CACNA2D3: variants seen among roughly 807,000 people sequenced by gnomAD.
The protein encoded by CACNA2D3 is calcium voltage-gated channel auxiliary subunit alpha2delta 3, also known as voltage-dependent calcium channel subunit alpha-2/delta-3.
CACNA2D3 carries 60 observed loss-of-function variants against 160.6 expected under a neutral mutation model. That is an observed-to-expected ratio of 0.37 (90% CI 0.30 to 0.46). The LOEUF (loss-of-function observed/expected upper bound fraction) is 0.46, where lower values mean the gene tolerates loss of function less well. CACNA2D3 is among the 20% of genes least tolerant of loss of function. The pLI is 1.00. For missense variants in CACNA2D3, 1,205 were observed against 1,365.0 expected (o/e 0.88, Z 1.85); for synonymous variants, 558 against 492.9 (o/e 1.13, Z -1.75).
chr3:54,816,823 TTTTTG>T (rs762772667), intron 13 of CACNA2D3, 25 bp from the exon 14 acceptor site: 12 of 1,610,718 alleles, frequency 7.5e-6, no homozygotes, highest in East Asian at 4.5e-5. Context: ...ACTTTTTTCT[TTTTTG>T]TTTTGTTTTG....
intron 2 of CACNA2D3, 72 bp downstream of exon 2, chr3:54,123,666 A>G (rs538030690): frequency 1.6e-4 from 199 of 1,240,140 alleles, no homozygotes; most frequent in Non-Finnish European, 7.7e-5. Flanking sequence ...TAGTTTTCCA[A>G]ACAAACGTGA....
intron 11 of CACNA2D3, among the ~76,000 whole-genome samples, chr3:54,684,755 T>TA (rs5849052): frequency 3.6e-4 from 54 of 151,634 alleles, no homozygotes; most frequent in African/African-American, 1.2e-3. Flanking sequence ...TTTGTCATGT[T>TA]AAAAAAAAAA....
intron 4 of CACNA2D3, among the ~76,000 whole-genome samples, chr3:54,461,005 A>G (rs1700493517): frequency 6.7e-6 from 1 of 148,802 alleles, no homozygotes. Flanking sequence ...AATTTTGTCA[A>G]AGGCCTTTTC....
chr3:54,148,621 A>G (rs997399953), intron 2 of CACNA2D3, among the ~76,000 whole-genome samples: 1 of 152,152 alleles, frequency 6.6e-6, no homozygotes, highest in Non-Finnish European at 1.5e-5. Flanking sequence ...CTGTGTTTTC[A>G]TGTCAGATAA....
intron 35 of CACNA2D3, among the ~76,000 whole-genome samples, chr3:55,032,698 A>C (rs1289402286): frequency 6.6e-6 from 1 of 152,056 alleles, no homozygotes; most frequent in Non-Finnish European, 1.5e-5. Flanking sequence ...TGCTAATAGC[A>C]CCTACAGGGG....
intron 4 of CACNA2D3, among the ~76,000 whole-genome samples, chr3:54,437,504 G>C (rs6445661): frequency 0.99 from 150,967 of 152,352 alleles, 74,817 homozygotes; most frequent in East Asian, 1. Context: ...TCCCACTTAG[G>C]TGGGAATAGC....
At chr3:54,130,697 T>G (rs1399560823) in intron 2 of CACNA2D3, among the ~76,000 whole-genome samples, 1 of 152,224 alleles carries the variant, frequency 6.6e-6, no homozygotes, top group East Asian at 1.9e-4. Flanking sequence ...CAGTGCTATA[T>G]TTTCTTGTCT....
chr3:54,677,082 G>C (rs1264036301), intron 11 of CACNA2D3, among the ~76,000 whole-genome samples: 1 of 152,182 alleles, frequency 6.6e-6, no homozygotes, highest in Non-Finnish European at 1.5e-5. Flanking sequence ...ATCTCCTAGT[G>C]TTTAATAAAT....
rs142275529 is a variant in CACNA2D3 at position 55,054,979 on chromosome 3, A to G, written c.2988-18466A>G. Among the ~76,000 whole-genome samples, 608 of 152,152 alleles carry G rather than the reference A, an allele frequency of 4.0e-3. 5 individuals carry two copies. Among genetic ancestry groups the G allele is most frequent in the Middle Eastern group, 6.8e-3 (2 of 294 alleles). On this transcript the variant is annotated intron_variant, in intron 35 of 37. Transcript: ENST00000474759. ...GTTCTTAAAACTTTTCTCCTTTATC[A>G]TGTACAGAATTTATCTGTACTAGTT...
intron 13 of CACNA2D3, among the ~76,000 whole-genome samples, chr3:54,801,321 G>A (rs1702981626): frequency 6.6e-6 from 1 of 152,092 alleles, no homozygotes; most frequent in South Asian, 2.1e-4. Flanking sequence ...TGTTGGCTTG[G>A]CGGGGGTGGT....
chr3:54,917,380 A>G (rs1043341360), intron 27 of CACNA2D3, among the ~76,000 whole-genome samples: 2 of 152,202 alleles, frequency 1.3e-5, no homozygotes, highest in African/African-American at 2.4e-5. Context: ...GCCGCCACCT[A>G]TCTTGAGTCT....
At chr3:54,763,745 GTGCATATATATACACA>G (rs1702140068) in intron 12 of CACNA2D3, among the ~76,000 whole-genome samples, 1 of 94,082 alleles carries the variant, frequency 1.1e-5, no homozygotes, top group Non-Finnish European at 2.3e-5. Context: ...GTGTATATAT[GTGCATATATATACACA>G]TATATATGTA....
chr3:54,980,788 T>C (rs1702489994), intron 29 of CACNA2D3, among the ~76,000 whole-genome samples: 1 of 152,216 alleles, frequency 6.6e-6, no homozygotes, highest in Admixed American at 6.5e-5. Context: ...GTTTATGACC[T>C]TAAAATATTT....
intron 17 of CACNA2D3, among the ~76,000 whole-genome samples, chr3:54,853,429 C>T (rs1699102885): frequency 6.6e-6 from 1 of 152,198 alleles, no homozygotes; most frequent in Admixed American, 6.5e-5. Flanking sequence ...CACGTTCATT[C>T]ACCAAACATT....
chr3:54,708,371 A>C (rs1700893425), intron 11 of CACNA2D3, among the ~76,000 whole-genome samples: 1 of 152,212 alleles, frequency 6.6e-6, no homozygotes, highest in Non-Finnish European at 1.5e-5. Context: ...ATAAATTTTA[A>C]GGTTTAGATT....
At chr3:54,943,462 G>A (rs1198518929) in intron 27 of CACNA2D3, among the ~76,000 whole-genome samples, 1 of 152,080 alleles carries the variant, frequency 6.6e-6, no homozygotes, top group Non-Finnish European at 1.5e-5. Context: ...CCACCAACAT[G>A]ACTGTATGCC....
In CACNA2D3 at chr3:54,659,210, A is replaced by G. The variant is rs151048558; in HGVS notation, c.1167+16969A>G. 1.3e-3 allele frequency among the ~76,000 whole-genome samples: 204 copies of G among 152,352 alleles called. 1 individual carries two copies. The highest frequency in any genetic ancestry group is 4.6e-3 in the African/African-American group (192 of 41,582). On this transcript the variant is annotated intron_variant, in intron 11 of 37. Coordinates refer to ENST00000474759, the MANE Select transcript of CACNA2D3 (RefSeq NM_018398.3). ...GTAAATTTTTGTTATGTCATCTGCTAGAAGCAGAACACTTTGTGAGCTGGG... is the reference window on the plus strand; with the variant it reads ...GTAAATTTTTGTTATGTCATCTGCTGGAAGCAGAACACTTTGTGAGCTGGG...
intron 11 of CACNA2D3, among the ~76,000 whole-genome samples, chr3:54,717,796 G>GTGCGTGTGTGCGCATGTT (rs1701088193): frequency 1.1e-5 from 1 of 89,366 alleles, no homozygotes; most frequent in Non-Finnish European, 2.6e-5. Context: ...CGTGTGTGGT[G>GTGCGTGTGTGCGCATGTT]TGCGTGTGTG....
At chr3:55,016,827 A>C (rs546095605) in intron 34 of CACNA2D3, among the ~76,000 whole-genome samples, 1 of 152,350 alleles carries the variant, frequency 6.6e-6, no homozygotes, top group African/African-American at 2.4e-5. Flanking sequence ...CAAAATAATT[A>C]AACCTCAATG....
Sources: allele counts gnomAD v4.1 joint callset (sites outside exome capture counted in the v4.1 genomes callset), GRCh38; gene constraint gnomAD v4.1.1; transcripts MANE v1.5; gene names NCBI Gene and HGNC (gene_info 2026-07-23, HGNC 2026-07-21).